The following GARNL3 variants were observed in gnomAD, a reference collection of about 807,000 sequenced individuals.
The protein encoded by GARNL3 is GTPase activating Rap/RanGAP domain like 3.
In GARNL3, 63 loss-of-function variants were observed where a neutral mutation model predicts 125.0. The observed-to-expected ratio is 0.50, with a 90% CI of 0.41 to 0.62. GARNL3 has a LOEUF of 0.62. Ranked by LOEUF, GARNL3 falls within the 20% of genes least tolerant of loss-of-function variation. GARNL3 has a pLI of 0.00. For synonymous variants in GARNL3, 439 were observed against 457.5 expected (o/e 0.96, Z 0.52); for missense variants, 994 against 1,244.0 (o/e 0.80, Z 3.02).
chr9:127,380,485 C>T lies in GARNL3; in HGVS notation c.2162-2953C>T, dbSNP rs376480839. On this transcript the variant is annotated intron_variant, in intron 22 of 27. Coordinates refer to ENST00000373387, the MANE Select transcript of GARNL3 (RefSeq NM_032293.5). ...GAATATATGTCCATGCAGACTTGTA[C>T]AGGAATGTTCATAGCATCTTTATTA... Among the ~76,000 whole-genome samples the T allele has an allele frequency of 5.3e-5, 8 of 152,074 alleles. No individual in the cohort carries two copies. In the East Asian group the frequency reaches 7.7e-4, roughly 15 times the overall value.
chr9:127,258,229 A>C (rs2063525479), intron 2 of GARNL3, among the ~76,000 whole-genome samples: 1 of 152,170 alleles, frequency 6.6e-6, no homozygotes, highest in Admixed American at 6.5e-5. Flanking sequence ...GAGTTAGAAG[A>C]ATCAAAGTGC....
intron 13 of GARNL3, among the ~76,000 whole-genome samples, chr9:127,340,837 G>A (rs1021375054): frequency 4.6e-5 from 7 of 151,898 alleles, no homozygotes; most frequent in Non-Finnish European, 1.0e-4. Flanking sequence ...CTGTCTTCCT[G>A]TCTCCCCAGT....
chr9:127,305,685 A>C (rs1289499974), intron 2 of GARNL3, among the ~76,000 whole-genome samples: 5 of 151,654 alleles, frequency 3.3e-5, no homozygotes, highest in Non-Finnish European at 1.5e-5. Flanking sequence ...TGATCCTCCC[A>C]CCTCAGCCTT....
intron 1 of GARNL3, among the ~76,000 whole-genome samples, chr9:127,270,820 T>C (rs915437394): frequency 1.3e-5 from 2 of 152,264 alleles, no homozygotes; most frequent in East Asian, 3.8e-4. Context: ...AATGTTTTTT[T>C]ATTACTGAAT....
In GARNL3 at chr9:127,231,060, T is replaced by A. The variant is rs1457143714; in HGVS notation, c.-29+6722T>A. On this transcript the variant is annotated intron_variant, in intron 1 of 10. Coordinates refer to the GARNL3 transcript ENST00000439286. Reference sequence around the variant, plus strand: ...CATATATATATATATATTTTTTTTTTTTTTTTTTTTTTGAGACAGAGTCTA... The same window carrying A: ...CATATATATATATATATTTTTTTTTATTTTTTTTTTTTGAGACAGAGTCTA... Among the ~76,000 whole-genome samples, 450 of 58,558 alleles carry A rather than the reference T, an allele frequency of 7.7e-3. 5 individuals are homozygous for A. Among genetic ancestry groups the A allele is most frequent in the South Asian group, 0.053 (82 of 1,538 alleles). The allele number at this position is 58,558 out of a possible 152,430, so 38.4% of individuals were successfully genotyped here. A position where few individuals can be genotyped will look rare whatever the true frequency, so the allele number is the denominator to read the frequency against.
intron 1 of GARNL3, among the ~76,000 whole-genome samples, chr9:127,282,120 C>T (rs909028886): frequency 2.0e-5 from 3 of 152,174 alleles, no homozygotes; most frequent in African/African-American, 7.2e-5. Context: ...ATGTGTGTCT[C>T]TTACTCCCTC....
chr9:127,265,697 T>C (rs1159521488), intron 1 of GARNL3, among the ~76,000 whole-genome samples: 1 of 152,224 alleles, frequency 6.6e-6, no homozygotes. Context: ...TGAACAAATT[T>C]TCAGAAATGT....
Position 127,252,454 on chromosome 9 carries a change from C to CT in GARNL3, c.143+9211dup, listed in dbSNP as rs2063422329. ...ACACCACAATAAGTGCTTCATACGT[C>CT]TTTTTTCATTAAATCCAATGGGAAG... On this transcript the variant is annotated intron_variant, in intron 2 of 10. Transcript: ENST00000439286. Among the ~76,000 whole-genome samples the CT allele has an allele frequency of 5.9e-5, 9 of 152,188 alleles. No homozygotes were observed. The South Asian group carries it at 1.7e-3, about 28-fold the overall frequency.
intron 1 of GARNL3, among the ~76,000 whole-genome samples, chr9:127,274,334 C>T (rs1477229057): frequency 6.6e-6 from 1 of 152,192 alleles, no homozygotes; most frequent in Non-Finnish European, 1.5e-5. Context: ...CAAACTGTAA[C>T]AAATCCACCA....
rs1829902226 is a variant in GARNL3 at position 127,342,287 on chromosome 9, A to G, written c.1204A>G (p.Met402Val). 1 of 1,614,042 alleles carries G rather than the reference A, an allele frequency of 6.2e-7. No individual in the cohort carries two copies. The highest frequency in any genetic ancestry group is 1.1e-5 in the South Asian group (1 of 91,082). Residue 402 changes from methionine (M) to valine (V), a missense_variant, in exon 14 of 28, where the codon ATG (methionine) becomes GTG (valine). Transcript: ENST00000373387. ...FAQKRRRTLD[M>V]LIRSLHQDLM... ...CCAGAAACGTCGGCGTACCCTGGAT[A>G]TGTTGATTAGATCTTTACACCAGGA... is the stretch of plus-strand genomic sequence containing the variant.
chr9:127,343,259 C>T (rs950281905), intron 14 of GARNL3, among the ~76,000 whole-genome samples: 3 of 152,060 alleles, frequency 2.0e-5, no homozygotes, highest in African/African-American at 4.8e-5. Flanking sequence ...CCCAACCACT[C>T]GCAGGGATTG....
At chr9:127,306,367 G>A (rs987619164) in intron 2 of GARNL3, among the ~76,000 whole-genome samples, 5 of 152,104 alleles carry the variant, frequency 3.3e-5, no homozygotes, top group Non-Finnish European at 1.5e-5. Flanking sequence ...TGGATGACTC[G>A]AGGTCAGGAG....
At chr9:127,274,050 G>C (rs777693246) in intron 1 of GARNL3, among the ~76,000 whole-genome samples, 5 of 152,086 alleles carry the variant, frequency 3.3e-5, no homozygotes, top group Non-Finnish European at 5.9e-5. Flanking sequence ...TAAGTAAGCT[G>C]CTTTTAAATC....
intron 4 of GARNL3, among the ~76,000 whole-genome samples, chr9:127,316,026 G>A (rs1289307201): frequency 6.6e-6 from 1 of 152,158 alleles, no homozygotes; most frequent in Non-Finnish European, 1.5e-5. Flanking sequence ...CCTGAACACA[G>A]AACCATTTTA....
intron 1 of GARNL3, among the ~76,000 whole-genome samples, chr9:127,283,611 A>G (rs565552034): frequency 6.6e-6 from 1 of 152,348 alleles, no homozygotes; most frequent in South Asian, 2.1e-4. Context: ...TCAAAGCTGC[A>G]GTGAGCCATA....
chr9:127,311,740 T>C lies in GARNL3; in HGVS notation c.319+5T>C, dbSNP rs1204792245. 43 of 1,574,868 alleles carry C rather than the reference T, an allele frequency of 2.7e-5. No homozygotes were observed. The highest frequency in any genetic ancestry group is 3.4e-5 in the Non-Finnish European group (39 of 1,144,470). On this transcript the variant is annotated splice_donor_5th_base_variant and intron_variant, in intron 3 of 27. Coordinates refer to ENST00000373387, the MANE Select transcript of GARNL3 (RefSeq NM_032293.5). ...TCAAATATTTTTTAGGACAAGGTAATTATGCTATTGTGGTGGTAGGGAAGA... is the reference window on the plus strand; with the variant it reads ...TCAAATATTTTTTAGGACAAGGTAACTATGCTATTGTGGTGGTAGGGAAGA...
At chr9:127,369,641 G>A (rs1831497266) in intron 22 of GARNL3, among the ~76,000 whole-genome samples, 2 of 152,182 alleles carry the variant, frequency 1.3e-5, no homozygotes, top group African/African-American at 2.4e-5. Context: ...AGACAAGAGC[G>A]GGCGTCTCTG....
exon 2 of GARNL3, chr9:127,243,108 T>C: frequency 7.3e-7 from 1 of 1,363,622 alleles, no homozygotes; most frequent in Non-Finnish European, 9.8e-7. Context: ...GGCCCACTGA[T>C]GGACCCGTTA....
chr9:127,323,245 C>T (rs1173379244), intron 6 of GARNL3, among the ~76,000 whole-genome samples: 3 of 152,088 alleles, frequency 2.0e-5, no homozygotes, highest in East Asian at 1.9e-4. Context: ...AGAGGACTTC[C>T]GATGCTCACA....
Sources: gnomAD v4.1 joint callset for allele counts (sites outside exome capture counted in the v4.1 genomes callset) on GRCh38, gnomAD v4.1.1 for gene constraint, MANE v1.5 for transcripts, NCBI Gene and HGNC (gene_info 2026-07-23, HGNC 2026-07-21) for gene names.